The following TMEM131L variants were observed in gnomAD, a reference collection of about 807,000 sequenced individuals.
The protein encoded by TMEM131L is transmembrane 131 like.
TMEM131L carries 54 observed loss-of-function variants against 192.2 expected under a neutral mutation model. The ratio of observed to expected loss-of-function variants is 0.28; its 90% CI spans 0.23 to 0.35. TMEM131L has a LOEUF of 0.35. TMEM131L is among the 10% of genes least tolerant of loss of function. The pLI, the probability that TMEM131L is intolerant of heterozygous loss-of-function variation, is 1.00. For synonymous variants in TMEM131L, 701 were observed against 704.9 expected (o/e 0.99, Z 0.09); for missense variants, 1,888 against 1,972.9 (o/e 0.96, Z 0.82).
intron 25 of TMEM131L, among the ~76,000 whole-genome samples, chr4:153,608,440 T>C (rs1055130290): frequency 6.6e-6 from 1 of 152,232 alleles, no homozygotes; most frequent in Non-Finnish European, 1.5e-5. Flanking sequence ...TGTAACCATT[T>C]TCACTGTCTG....
At position 153,598,741 on chromosome 4, in the gene TMEM131L, A is replaced by T. The variant is rs1177088116; in HGVS notation, c.2266+9A>T. ...GATGGACTGCCGTAGACGTGAGTTC[A>T]TATGTGTGGCACTCTGACAGGGGAG... is the stretch of plus-strand genomic sequence containing the variant. On this transcript the variant is annotated intron_variant, in intron 21 of 34. Coordinates refer to ENST00000409959, the MANE Select transcript of TMEM131L (RefSeq NM_001131007.2). The T allele has an allele frequency of 1.3e-6, 2 of 1,599,702 alleles. No homozygotes were observed. The highest frequency in any genetic ancestry group is 1.7e-6 in the Non-Finnish European group (2 of 1,171,634).
intron 3 of TMEM131L, among the ~76,000 whole-genome samples, chr4:153,509,885 G>A (rs905309175): frequency 7.9e-5 from 12 of 152,306 alleles, no homozygotes; most frequent in Middle Eastern, 3.4e-3. Context: ...AAATCGCTGC[G>A]TCGGGATTGC....
chr4:153,471,100 G>A (rs557188898), intron 2 of TMEM131L, among the ~76,000 whole-genome samples: 6 of 151,794 alleles, frequency 4.0e-5, no homozygotes, highest in South Asian at 2.1e-4. Context: ...TGCTTCTCCT[G>A]CCTGAGCCTC....
At chr4:153,522,203 C>CTTG (rs1735168747) in intron 3 of TMEM131L, among the ~76,000 whole-genome samples, 1 of 152,114 alleles carries the variant, frequency 6.6e-6, no homozygotes, top group Non-Finnish European at 1.5e-5. Flanking sequence ...AAGTGGGAAC[C>CTTG]CTCAACCGCC....
intron 3 of TMEM131L, among the ~76,000 whole-genome samples, chr4:153,504,577 C>T (rs776359026): frequency 2.0e-5 from 3 of 152,096 alleles, no homozygotes; most frequent in Admixed American, 1.3e-4. Context: ...CGTGAGCCAC[C>T]GTGTCTGGCC....
intron 7 of TMEM131L, among the ~76,000 whole-genome samples, chr4:153,576,851 G>A (rs1729981493): frequency 6.6e-6 from 1 of 151,920 alleles, no homozygotes; most frequent in African/African-American, 2.4e-5. Context: ...AGCTTCTCTT[G>A]CCCTTTTCAA....
intron 27 of TMEM131L, among the ~76,000 whole-genome samples, chr4:153,621,363 C>G (rs1383930693): frequency 6.6e-6 from 1 of 152,166 alleles, no homozygotes; most frequent in South Asian, 2.1e-4. Context: ...TAGGTTCTTA[C>G]AGCTGCAGGA....
At chr4:153,571,500 G>C (rs554215222) in intron 7 of TMEM131L, among the ~76,000 whole-genome samples, 2 of 152,232 alleles carry the variant, frequency 1.3e-5, no homozygotes, top group South Asian at 4.1e-4. Flanking sequence ...GTTTACTATG[G>C]GGGATTTAAG....
At chr4:153,466,553 T>C in intron 1 of TMEM131L, 32 bp downstream of exon 1, 1 of 1,290,998 alleles carries the variant, frequency 7.7e-7, no homozygotes, top group East Asian at 3.1e-5. Context: ...TCGCTCTGCC[T>C]CTCCACCCCG....
chr4:153,540,991 C>T (rs562277957), intron 3 of TMEM131L, among the ~76,000 whole-genome samples: 1 of 152,264 alleles, frequency 6.6e-6, no homozygotes, highest in South Asian at 2.1e-4. Context: ...GCTAACTTGT[C>T]CTAGAGCTGA....
At chr4:153,470,735 C>T (rs764034134) in intron 2 of TMEM131L, among the ~76,000 whole-genome samples, 3 of 152,202 alleles carry the variant, frequency 2.0e-5, no homozygotes, top group Admixed American at 1.3e-4. Flanking sequence ...ACTGCGATTC[C>T]ATGTGATCCA....
At chr4:153,538,057 A>G (rs1316490595) in intron 3 of TMEM131L, among the ~76,000 whole-genome samples, 1 of 152,216 alleles carries the variant, frequency 6.6e-6, no homozygotes, top group Admixed American at 6.5e-5. Context: ...GCCACCCCAC[A>G]GGAAGGAGGT....
intron 18 of TMEM131L, among the ~76,000 whole-genome samples, 191 bp downstream of exon 18, chr4:153,592,775 G>C (rs7670485): frequency 0.27 from 40,893 of 152,160 alleles, 5,847 homozygotes; most frequent in Non-Finnish European, 0.33. Context: ...GGCTCTGTGT[G>C]TTATGTGGCA....
intron 3 of TMEM131L, among the ~76,000 whole-genome samples, chr4:153,480,067 C>T (rs1321568576): frequency 6.6e-6 from 1 of 152,120 alleles, no homozygotes; most frequent in African/African-American, 2.4e-5. Context: ...AGGCTGGGCG[C>T]GGTGGCTCAC....
intron 25 of TMEM131L, among the ~76,000 whole-genome samples, chr4:153,606,844 T>C (rs1014374473): frequency 6.6e-6 from 1 of 152,202 alleles, no homozygotes; most frequent in Non-Finnish European, 1.5e-5. Flanking sequence ...CTTTCCACCA[T>C]GTTCAGACCA....
chr4:153,600,383 A>AC (rs1473231284), intron 21 of TMEM131L, among the ~76,000 whole-genome samples: 5 of 150,496 alleles, frequency 3.3e-5, no homozygotes, highest in African/African-American at 1.2e-4. Flanking sequence ...AAAAAAAAAA[A>AC]CATCAAAAAT....
Position 153,636,414 on chromosome 4 carries a change from A to G in TMEM131L, c.4671A>G (p.Glu1557=), listed in dbSNP as rs35509601. The G allele has an allele frequency of 7.0e-4, 1,124 of 1,614,192 alleles. 6 individuals carry two copies. The African/African-American group carries it at 0.013, about 18-fold the overall frequency. The change falls in exon 35 of 35, where the codon GAA becomes GAG. Residue 1557 remains glutamate, a synonymous_variant. Transcript: ENST00000409959. ...GCTGCCCCATCAACCCCACCACGGAACATTCGACCCACATGGAAAACCAAG... is the reference window on the plus strand; with the variant it reads ...GCTGCCCCATCAACCCCACCACGGAGCATTCGACCCACATGGAAAACCAAG... ...ENCCPINPTT[E]HSTHMENQAV...
chr4:153,522,417 G>T (rs956918677), intron 3 of TMEM131L, among the ~76,000 whole-genome samples: 43 of 152,192 alleles, frequency 2.8e-4, no homozygotes, highest in African/African-American at 1.0e-3. Context: ...ACTAGGGGAA[G>T]GAGGAGACCG....
chr4:153,579,616 C>T (rs186135010), intron 7 of TMEM131L, among the ~76,000 whole-genome samples: 72 of 152,208 alleles, frequency 4.7e-4, no homozygotes, highest in Admixed American at 2.1e-3. Context: ...GGACTATAAG[C>T]GCACATCACC....
Sources: gnomAD v4.1 joint callset for allele counts (sites outside exome capture counted in the v4.1 genomes callset) on GRCh38, gnomAD v4.1.1 for gene constraint, MANE v1.5 for transcripts, NCBI Gene and HGNC (gene_info 2026-07-23, HGNC 2026-07-21) for gene names.